Variants in DIAPH2 observed in about 807,000 individuals in gnomAD.
DIAPH2 encodes the protein protein diaphanous homolog 2.
In DIAPH2, 35 loss-of-function variants were observed where a neutral mutation model predicts 92.7. The ratio of observed to expected loss-of-function variants is 0.38; its 90% CI spans 0.29 to 0.50. The LOEUF (loss-of-function observed/expected upper bound fraction) is 0.50. Ranked by LOEUF, DIAPH2 falls within the 20% of genes least tolerant of loss-of-function variation. DIAPH2 has a pLI of 0.94. For missense variants in DIAPH2, 701 were observed against 819.5 expected (o/e 0.86, Z 1.77); for synonymous variants, 301 against 280.4 (o/e 1.07, Z -0.73).
intron 20 of DIAPH2, among the ~76,000 whole-genome samples, chrX:97,111,955 G>C (rs1473913351): frequency 8.9e-6 from 1 of 112,481 alleles, no homozygotes; most frequent in Non-Finnish European, 1.9e-5. Context: ...TAAAGCAAAT[G>C]TTGAAAAATG....
chrX:96,995,956 A>G (rs2066102384), intron 17 of DIAPH2, among the ~76,000 whole-genome samples: 1 of 111,076 alleles, frequency 9.0e-6, no homozygotes, highest in Non-Finnish European at 1.9e-5. Context: ...AAAAAAAGAA[A>G]GGGTTAACAA....
intron 23 of DIAPH2, among the ~76,000 whole-genome samples, chrX:97,258,788 G>A (rs1412839528): frequency 3.2e-5 from 3 of 93,855 alleles, no homozygotes; most frequent in Non-Finnish European, 6.2e-5. Context: ...GGAGAATGGC[G>A]TGAACCCGGG....
intron 4 of DIAPH2, among the ~76,000 whole-genome samples, chrX:96,764,285 A>T (rs1458913799): frequency 9.0e-6 from 1 of 111,136 alleles, no homozygotes; most frequent in East Asian, 2.8e-4. Flanking sequence ...ATAATTAGTT[A>T]TGATGGCTGG....
intron 21 of DIAPH2, among the ~76,000 whole-genome samples, chrX:97,133,459 G>A (rs1321461857): frequency 1.8e-5 from 2 of 111,089 alleles, no homozygotes; most frequent in Non-Finnish European, 3.8e-5. Flanking sequence ...AGCTAATTTT[G>A]TATTTTTAGC....
chrX:97,458,959 C>T lies in DIAPH2; in HGVS notation c.3241+29214C>T, dbSNP rs188287807. Among the ~76,000 whole-genome samples, 30 of 111,478 alleles carry T rather than the reference C, an allele frequency of 2.7e-4. 1 individual carries two copies. Among genetic ancestry groups the T allele is most frequent in the African/African-American group, 8.5e-4 (26 of 30,734 alleles). On this transcript the variant is annotated intron_variant, in intron 26 of 26. Transcript: ENST00000324765. ...GTGCTGGTCATGGGGATCTTGAAAACGCTTCCTATGTGATTCTAATTTGGT... is the reference window on the plus strand; with the variant it reads ...GTGCTGGTCATGGGGATCTTGAAAATGCTTCCTATGTGATTCTAATTTGGT...
chrX:97,561,967 C>G (rs2071296769), intron 26 of DIAPH2, among the ~76,000 whole-genome samples: 1 of 112,142 alleles, frequency 8.9e-6, no homozygotes, highest in African/African-American at 3.2e-5. Context: ...GTATGAAATA[C>G]AGAGCCAACG....
intron 23 of DIAPH2, among the ~76,000 whole-genome samples, chrX:97,312,676 C>T (rs2068807005): frequency 9.0e-6 from 1 of 111,116 alleles, no homozygotes; most frequent in Non-Finnish European, 1.9e-5. Flanking sequence ...GTGGTTCTTT[C>T]TAACTTTTTG....
intron 23 of DIAPH2, among the ~76,000 whole-genome samples, chrX:97,276,084 G>A (rs1051364402): frequency 8.9e-6 from 1 of 112,344 alleles, no homozygotes; most frequent in African/African-American, 3.2e-5. Flanking sequence ...AGACCAGCCC[G>A]GCCAACACAG....
rs1049816870 is a variant in DIAPH2 at position 97,197,690 on chromosome X, C to T, written c.2720-50025C>T. On this transcript the variant is annotated intron_variant, in intron 22 of 26. Transcript: ENST00000324765. ...ACATTTGTTTCAGTTCTCTTGTTTA[C>T]CAGGGGCATGGTAGGGTGATATTTA... 6.3e-5 allele frequency among the ~76,000 whole-genome samples: 7 copies of T among 111,672 alleles called. No individual in the cohort carries two copies. The Admixed American group carries it at 6.7e-4, about 11-fold the overall frequency.
At chrX:97,084,106 T>C (rs976577208) in intron 19 of DIAPH2, among the ~76,000 whole-genome samples, 2 of 42,343 alleles carry the variant, frequency 4.7e-5, no homozygotes, top group South Asian at 1.0e-3. Context: ...GTTTTTGTTT[T>C]GTTTTTTTTA....
At chrX:96,758,110 A>G (rs758148534) in intron 3 of DIAPH2, 44 bp from the exon 4 acceptor site, 13 of 1,066,731 alleles carry the variant, frequency 1.2e-5, no homozygotes, top group Non-Finnish European at 1.6e-5. Context: ...GAAGCTCTTA[A>G]GTGGAAATTT....
intron 17 of DIAPH2, among the ~76,000 whole-genome samples, chrX:97,039,982 C>A (rs2066437431): frequency 9.0e-6 from 1 of 111,313 alleles, no homozygotes; most frequent in African/African-American, 3.3e-5. Flanking sequence ...TCTCTGACAG[C>A]TACATTATAT....
intron 20 of DIAPH2, among the ~76,000 whole-genome samples, chrX:97,100,960 T>C (rs1056832601): frequency 2.1e-4 from 23 of 111,957 alleles, no homozygotes; most frequent in African/African-American, 7.1e-4. Flanking sequence ...AAATCAGGAA[T>C]GTATGTTTGG....
At position 97,573,664 on chromosome X, in the gene DIAPH2, T is replaced by G. The variant is rs754077728; in HGVS notation, c.3242-25589T>G. Among the ~76,000 whole-genome samples, 531 of 108,200 alleles carry G rather than the reference T, an allele frequency of 4.9e-3. 3 individuals carry two copies. The highest frequency in any genetic ancestry group is 0.017 in the African/African-American group (496 of 29,716). 94.0% of individuals were successfully genotyped at this position (108,200 alleles called of 115,157 possible). A position where few individuals can be genotyped will look rare whatever the true frequency, so the allele number is the denominator to read the frequency against. The stretch of plus-strand genomic sequence containing the variant: ...TTTTTTGGGGTTTTTTTGTTTTTTT[T>G]TTTGTTTTTTTTTGAGGTGGAGTTT... On this transcript the variant is annotated intron_variant, in intron 26 of 26. Transcript: ENST00000324765.
At chrX:96,890,410 A>AT (rs1026511301) in intron 5 of DIAPH2, among the ~76,000 whole-genome samples, 1 of 111,847 alleles carries the variant, frequency 8.9e-6, no homozygotes, top group East Asian at 2.8e-4. Context: ...ATGTTTCATT[A>AT]TTTTTTGTAT....
At chrX:97,211,377 ATAGTAT>A (rs2067838997) in intron 22 of DIAPH2, among the ~76,000 whole-genome samples, 1 of 111,301 alleles carries the variant, frequency 9.0e-6, no homozygotes, top group South Asian at 3.9e-4. Context: ...AAAAAAACTA[ATAGTAT>A]TTGTATTTTC....
At position 96,918,509 on chromosome X, in the gene DIAPH2, T is replaced by C. The variant is rs767019618; in HGVS notation, c.870T>C (p.Ile290=). 18 of 1,170,994 alleles carry C rather than the reference T, an allele frequency of 1.5e-5. No individual in the cohort carries two copies. The South Asian group carries it at 3.3e-4, about 22-fold the overall frequency. The change falls in exon 9 of 27, where the codon ATT becomes ATC. Residue 290 remains isoleucine (I), a splice_region_variant and synonymous_variant. Coordinates refer to ENST00000324765, the MANE Select transcript of DIAPH2 (RefSeq NM_006729.5). ...TCTGTTTCTTCTTTTTTCTCTACAG[T>C]CTAGATAAACTTTTAGGGGCTATAA... ...SAICIVGEEN[I]LDKLLGAITT...
intron 3 of DIAPH2, among the ~76,000 whole-genome samples, chrX:96,750,815 C>T (rs1019929879): frequency 1.8e-5 from 2 of 112,544 alleles, no homozygotes; most frequent in Non-Finnish European, 1.9e-5. Context: ...ATGATCTATA[C>T]GTGTCTTCTG....
At chrX:97,415,700 T>G in intron 25 of DIAPH2, among the ~76,000 whole-genome samples, 1 of 101,864 alleles carries the variant, frequency 9.8e-6, no homozygotes, top group East Asian at 3.1e-4. Context: ...TGGGGGCGTG[T>G]TGTGGGGTGG....
Sources: gnomAD v4.1 joint callset for allele counts (sites outside exome capture counted in the v4.1 genomes callset) on GRCh38, gnomAD v4.1.1 for gene constraint, MANE v1.5 for transcripts, NCBI Gene and HGNC (gene_info 2026-07-23, HGNC 2026-07-21) for gene names.